ROBO2: variants seen among roughly 807,000 people sequenced by gnomAD.
ROBO2 encodes the protein roundabout homolog 2.
Under a neutral mutation model 160.8 loss-of-function variants are expected in ROBO2, and 53 were observed. The observed-to-expected ratio is 0.33, with a 90% CI of 0.26 to 0.41. The LOEUF is 0.41. Ranked by LOEUF, ROBO2 falls within the 10% of genes least tolerant of loss-of-function variation. The pLI, the probability that ROBO2 is intolerant of heterozygous loss-of-function variation, is 1.00. For synonymous variants in ROBO2, 664 were observed against 611.7 expected (o/e 1.09, Z -1.26); for missense variants, 1,577 against 1,722.4 (o/e 0.92, Z 1.49).
At chr3:76,326,060 G>T (rs1446270284) in intron 2 of ROBO2, among the ~76,000 whole-genome samples, 1 of 152,080 alleles carries the variant, frequency 6.6e-6, no homozygotes, top group Non-Finnish European at 1.5e-5. Context: ...TGTTATTTTG[G>T]TGATTAATTT....
chr3:76,736,223 A>G (rs1177856880), intron 2 of ROBO2, among the ~76,000 whole-genome samples: 1 of 151,176 alleles, frequency 6.6e-6, no homozygotes, highest in African/African-American at 2.4e-5. Flanking sequence ...CGGAGCTTGC[A>G]GTGAGCCGAG....
rs2076608123 is a variant in ROBO2, at chr3:76,435,051, G to A, written c.109+497449G>A. ...TGAGGATGCAGAGCTGAAACAAATG[G>A]CTTACATATACAAGTGTGTCAACAT... On this transcript the variant is annotated intron_variant, in intron 2 of 26. Coordinates refer to the ROBO2 transcript ENST00000487694. 1.3e-5 allele frequency: 16 copies of A among 1,188,176 alleles called. No individual in the cohort carries two copies. In the East Asian group the frequency reaches 3.7e-4, roughly 28 times the overall value. 73.6% of individuals were successfully genotyped at this position (1,188,176 alleles called of 1,614,324 possible). A position where few individuals can be genotyped will look rare whatever the true frequency, so the allele number is the denominator to read the frequency against.
intron 2 of ROBO2, among the ~76,000 whole-genome samples, chr3:76,942,391 G>A (rs144941131): frequency 7.1e-4 from 108 of 152,274 alleles, no homozygotes; most frequent in African/African-American, 2.5e-3. Context: ...TTTTGACTCC[G>A]TATTTCCATA....
intron 2 of ROBO2, among the ~76,000 whole-genome samples, chr3:76,138,589 C>T (rs1015120117): frequency 2.6e-5 from 4 of 152,020 alleles, no homozygotes; most frequent in Non-Finnish European, 5.9e-5. Context: ...TTGAAGCTTA[C>T]ATCATGCAGT....
chr3:77,234,221 T>C (rs1580238423), intron 2 of ROBO2, among the ~76,000 whole-genome samples: 1 of 152,178 alleles, frequency 6.6e-6, no homozygotes, highest in Admixed American at 6.5e-5. Flanking sequence ...GTTCATATTG[T>C]CTATTGAAAT....
exon 26 of ROBO2, chr3:77,646,314 A>G: frequency 2.6e-6 from 1 of 378,332 alleles, no homozygotes; most frequent in Non-Finnish European, 4.8e-6. Flanking sequence ...CTACAGGAAG[A>G]AAAGGATTCT....
intron 2 of ROBO2, among the ~76,000 whole-genome samples, chr3:76,519,379 T>A (rs575999143): frequency 6.6e-6 from 1 of 152,202 alleles, no homozygotes; most frequent in Admixed American, 6.5e-5. Context: ...TTGCTGACTC[T>A]TGATATCAAT....
At chr3:77,635,353 T>A (rs2095246268) in intron 24 of ROBO2, among the ~76,000 whole-genome samples, 2 of 152,170 alleles carry the variant, frequency 1.3e-5, no homozygotes, top group Admixed American at 6.5e-5. Flanking sequence ...GAACATAAGC[T>A]GCATGTGCAC....
intron 2 of ROBO2, among the ~76,000 whole-genome samples, chr3:77,137,513 A>C (rs2076374853): frequency 6.6e-6 from 1 of 152,270 alleles, no homozygotes; most frequent in Non-Finnish European, 1.5e-5. Flanking sequence ...GGCGTGAGCC[A>C]GGGCCCCCGG....
intron 2 of ROBO2, among the ~76,000 whole-genome samples, chr3:76,826,238 G>A (rs1206634669): frequency 1.3e-5 from 2 of 152,026 alleles, no homozygotes; most frequent in Admixed American, 6.6e-5. Flanking sequence ...CTTCAAGCAT[G>A]GGCATTGCAA....
At chr3:76,250,391 C>T (rs912205341) in intron 2 of ROBO2, among the ~76,000 whole-genome samples, 21 of 151,976 alleles carry the variant, frequency 1.4e-4, no homozygotes, top group Admixed American at 4.6e-4. Flanking sequence ...TCTGTATCAA[C>T]GACATTCCTT....
intron 2 of ROBO2, among the ~76,000 whole-genome samples, chr3:77,110,460 TA>T (rs1232629790): frequency 6.6e-6 from 1 of 151,914 alleles, no homozygotes; most frequent in Non-Finnish European, 1.5e-5. Context: ...TTACTCTTTT[TA>T]TTTTTTTATA....
At chr3:75,999,563 A>G (rs550194442) in intron 2 of ROBO2, among the ~76,000 whole-genome samples, 130 of 152,238 alleles carry the variant, frequency 8.5e-4, no homozygotes, top group African/African-American at 3.1e-3. Flanking sequence ...ACTGGAAAGC[A>G]TTTTTTAACT....
At position 77,277,213 on chromosome 3, in the gene ROBO2, T is replaced by TC. The variant is rs2059932287; in HGVS notation, c.388+178873_388+178874insC. Among the ~76,000 whole-genome samples the TC allele has an allele frequency of 4.6e-5, 3 of 64,760 alleles. No homozygotes were observed. The South Asian group carries it at 1.6e-3, about 34-fold the overall frequency. The allele number at this position is 64,760 out of a possible 152,430, so 42.5% of individuals were successfully genotyped here. On this transcript the variant is annotated intron_variant, in intron 2 of 25. Coordinates refer to ENST00000461745, the Ensembl canonical transcript of ROBO2. Reference sequence around the variant, plus strand: ...CTTTCTTTCTTTCTTTCTTTCTTTCTTCTTTCTTTCTTTCTTGTCTTTCTT... The same window carrying TC: ...CTTTCTTTCTTTCTTTCTTTCTTTCTCTCTTTCTTTCTTTCTTGTCTTTCTT...
chr3:77,454,115 C>A (rs1218741880), intron 2 of ROBO2, among the ~76,000 whole-genome samples: 1 of 141,730 alleles, frequency 7.1e-6, no homozygotes, highest in African/African-American at 2.6e-5. Context: ...TCTTCTTACT[C>A]TGGGCTTTTT....
intron 2 of ROBO2, among the ~76,000 whole-genome samples, chr3:76,109,242 T>C (rs2070100423): frequency 6.6e-6 from 1 of 151,990 alleles, no homozygotes. Context: ...AATGCTTTTT[T>C]TCATAGTTAC....
intron 2 of ROBO2, among the ~76,000 whole-genome samples, chr3:76,493,360 T>TATATATATATATATATATATATATA (rs1431991929): frequency 7.2e-5 from 10 of 138,932 alleles, no homozygotes; most frequent in African/African-American, 2.6e-4. Flanking sequence ...TATATATATA[T>TATATATATATATATATATATATATA]ATATAATTGT....
intron 2 of ROBO2, among the ~76,000 whole-genome samples, chr3:76,732,169 ATT>A (rs1166808595): frequency 6.6e-6 from 1 of 152,144 alleles, no homozygotes; most frequent in African/African-American, 2.4e-5. Context: ...CCCTGAGATT[ATT>A]TTTGGAGTAT....
At chr3:77,273,702 A>C (rs1489562074) in intron 2 of ROBO2, among the ~76,000 whole-genome samples, 2 of 152,192 alleles carry the variant, frequency 1.3e-5, no homozygotes, top group African/African-American at 4.8e-5. Context: ...CTATATGCTT[A>C]ATGGTTTGCT....
Sources: allele counts gnomAD v4.1 joint callset (sites outside exome capture counted in the v4.1 genomes callset), GRCh38; gene constraint gnomAD v4.1.1; transcripts MANE v1.5; gene names NCBI Gene and HGNC (gene_info 2026-07-23, HGNC 2026-07-21).